The following HSD17B12 variants were observed in gnomAD, a reference collection of about 807,000 sequenced individuals.
HSD17B12 encodes the protein very-long-chain 3-oxoacyl-CoA reductase.
Under a neutral mutation model 39.3 loss-of-function variants are expected in HSD17B12, and 32 were observed. That is an observed-to-expected ratio of 0.81 (90% CI 0.61 to 1.09). The LOEUF (loss-of-function observed/expected upper bound fraction) is 1.09. Ranked by LOEUF, HSD17B12 falls within the 50% of genes least tolerant of loss-of-function variation. The pLI, the probability that HSD17B12 is intolerant of heterozygous loss-of-function variation, is 0.00. For synonymous variants in HSD17B12, 150 were observed against 146.7 expected, an observed-to-expected ratio of 1.02 and a Z score of -0.16; for missense variants, 342 against 382.9, an observed-to-expected ratio of 0.89 and a Z score of 0.89.
At chr11:43,577,543 G>A in the HSD17B12 span, among the ~76,000 whole-genome samples, 1 of 152,146 alleles carries the variant, frequency 6.6e-6, no homozygotes, top group Non-Finnish European at 1.5e-5. Context: ...TTTCTCCTCG[G>A]TGATGGTGAC....
At chr11:43,777,950 A>G (rs1950725542) in intron 3 of HSD17B12, among the ~76,000 whole-genome samples, 1 of 152,170 alleles carries the variant, frequency 6.6e-6, no homozygotes, top group South Asian at 2.1e-4. Flanking sequence ...AAACACATTC[A>G]AAAGCTAGCA....
At chr11:43,807,623 G>A (rs1315247827) in intron 4 of HSD17B12, among the ~76,000 whole-genome samples, 1 of 152,190 alleles carries the variant, frequency 6.6e-6, no homozygotes, top group African/African-American at 2.4e-5. Flanking sequence ...GAATTTTAGA[G>A]AGATCTTTCT....
At chr11:43,734,045 G>A in intron 1 of HSD17B12, 1 of 795,076 alleles carries the variant, frequency 1.3e-6, no homozygotes, top group Non-Finnish European at 2.2e-6. Context: ...TCCTCTTCCG[G>A]CCTATCGCTA....
At chr11:43,697,157 C>G (rs1450850531) in intron 1 of HSD17B12, among the ~76,000 whole-genome samples, 1 of 152,174 alleles carries the variant, frequency 6.6e-6, no homozygotes, top group Admixed American at 6.6e-5. Context: ...ATTCTGCACA[C>G]ATATCCCAGA....
rs147309616 is a variant in HSD17B12 at position 43,720,172 on chromosome 11, C to T, written c.161-30739C>T. Among the ~76,000 whole-genome samples, 352 of 152,274 alleles carry T rather than the reference C, an allele frequency of 2.3e-3. 2 individuals carry two copies. Among genetic ancestry groups the T allele is most frequent in the African/African-American group, 8.1e-3 (335 of 41,554 alleles). On this transcript the variant is annotated intron_variant, in intron 1 of 10. Transcript: ENST00000278353. ...CATTTTTAAATTTCAGATCTTTCGC[C>T]AGTTGTAGAGACTGTTTTGGGCCCT...
intron 1 of HSD17B12, among the ~76,000 whole-genome samples, chr11:43,690,397 TATATA>T (rs1565049799): frequency 7.4e-5 from 3 of 40,438 alleles, no homozygotes; most frequent in African/African-American, 2.8e-4. Context: ...TATATATATA[TATATA>T]TATTTTTTTT....
At chr11:43,609,516 C>G in the HSD17B12 span, among the ~76,000 whole-genome samples, 2 of 151,958 alleles carry the variant, frequency 1.3e-5, no homozygotes, top group African/African-American at 4.8e-5. Flanking sequence ...TAGATGTGCG[C>G]CACCATGCCA....
At chr11:43,753,586 T>A (rs533616699) in intron 2 of HSD17B12, among the ~76,000 whole-genome samples, 273 of 151,122 alleles carry the variant, frequency 1.8e-3, no homozygotes, top group African/African-American at 5.3e-3. Flanking sequence ...TTTTTTTTTT[T>A]AATTTTTTGT....
At chr11:43,583,554 G>T in the HSD17B12 span, among the ~76,000 whole-genome samples, 1 of 152,150 alleles carries the variant, frequency 6.6e-6, no homozygotes, top group Non-Finnish European at 1.5e-5. Flanking sequence ...AGTGAAAATA[G>T]GTGGCTTTTT....
chr11:43,641,240 GAGATAGA>G, the HSD17B12 span, among the ~76,000 whole-genome samples: 1 of 151,250 alleles, frequency 6.6e-6, no homozygotes, highest in East Asian at 1.9e-4. Context: ...GGGAAAAAAT[GAGATAGA>G]CCCCTTTTTT....
chr11:43,603,187 T>A, the HSD17B12 span, among the ~76,000 whole-genome samples: 2 of 152,220 alleles, frequency 1.3e-5, no homozygotes, highest in African/African-American at 4.8e-5. Context: ...TTATTTTTTA[T>A]TTCTTGGTTC....
At chr11:43,839,228 A>C (rs1951400432) in intron 8 of HSD17B12, among the ~76,000 whole-genome samples, 1 of 152,244 alleles carries the variant, frequency 6.6e-6, no homozygotes, top group Admixed American at 6.5e-5. Context: ...AAAAACAGTC[A>C]CCACTGTCTT....
the HSD17B12 span, among the ~76,000 whole-genome samples, chr11:43,600,057 C>T: frequency 0.017 from 2,522 of 152,232 alleles, 67 homozygotes; most frequent in African/African-American, 0.057. Flanking sequence ...GAACTCAATA[C>T]TCTTTTTTCT....
intron 1 of HSD17B12, among the ~76,000 whole-genome samples, chr11:43,711,026 C>T (rs943683988): frequency 6.6e-6 from 1 of 152,192 alleles, no homozygotes; most frequent in Non-Finnish European, 1.5e-5. Context: ...CTCCTGACCT[C>T]AAGTGATCCA....
chr11:43,582,147 T>G, the HSD17B12 span, among the ~76,000 whole-genome samples: 3 of 151,920 alleles, frequency 2.0e-5, no homozygotes, highest in Admixed American at 2.0e-4. Flanking sequence ...GTCTCCCACA[T>G]CTCCTCTTTT....
At chr11:43,768,957 A>G (rs1950624437) in intron 3 of HSD17B12, among the ~76,000 whole-genome samples, 1 of 152,212 alleles carries the variant, frequency 6.6e-6, no homozygotes, top group Admixed American at 6.5e-5. Flanking sequence ...TGATACATTT[A>G]CAATCCTCTA....
intron 1 of HSD17B12, among the ~76,000 whole-genome samples, chr11:43,740,300 GGAT>G (rs1950352563): frequency 1.3e-5 from 2 of 152,224 alleles, no homozygotes; most frequent in South Asian, 2.1e-4. Flanking sequence ...AGAATTACCT[GGAT>G]GATATCAGTG....
the HSD17B12 span, among the ~76,000 whole-genome samples, chr11:43,571,191 C>A: frequency 6.6e-6 from 1 of 152,246 alleles, no homozygotes; most frequent in Non-Finnish European, 1.5e-5. Flanking sequence ...TGAGCTATCT[C>A]TCTGCCTGCT....
At chr11:43,581,618 G>T in the HSD17B12 span, 1 of 372,730 alleles carries the variant, frequency 2.7e-6, no homozygotes, top group African/African-American at 2.1e-5. The surrounding 1 kb of genome is among the most constrained non-coding windows in gnomAD (Gnocchi z 4.9). Context: ...TCCTTTCCGC[G>T]GTGCCCGAGG....
Sources: gnomAD v4.1 joint callset for allele counts (sites outside exome capture counted in the v4.1 genomes callset) on GRCh38, gnomAD v4.1.1 for gene constraint, Gnocchi (gnomAD v3.1) non-coding constraint, MANE v1.5 for transcripts, NCBI Gene and HGNC (gene_info 2026-07-23, HGNC 2026-07-21) for gene names.